Variants in MAPKAP1 observed in about 807,000 individuals in gnomAD.
MAPKAP1 encodes target of rapamycin complex 2 subunit MAPKAP1.
MAPKAP1 carries 20 observed loss-of-function variants against 65.7 expected under a neutral mutation model. The observed-to-expected ratio is 0.30, with a 90% CI of 0.21 to 0.44. The LOEUF is 0.44. Ranked by LOEUF, MAPKAP1 falls within the 20% of genes least tolerant of loss-of-function variation. The pLI is 1.00. For synonymous variants in MAPKAP1, 222 were observed against 244.3 expected (o/e 0.91, Z 0.85); for missense variants, 423 against 648.0 (o/e 0.65, Z 3.77).
At chr9:125,689,824 C>G (rs1407819879) in intron 1 of MAPKAP1, among the ~76,000 whole-genome samples, 1 of 151,616 alleles carries the variant, frequency 6.6e-6, no homozygotes, top group Non-Finnish European at 1.5e-5. Context: ...CGGTGGCTCA[C>G]GCCTGTAATC....
chr9:125,508,765 C>A (rs1004675436), intron 7 of MAPKAP1, among the ~76,000 whole-genome samples: 21 of 152,074 alleles, frequency 1.4e-4, no homozygotes, highest in African/African-American at 4.6e-4. Flanking sequence ...TGAGGTGGAT[C>A]TCCTGAGCCC....
rs986811901 is a variant in MAPKAP1 at position 125,447,201 on chromosome 9, C to T, written c.1346-2603G>A. 3.8e-5 allele frequency: 12 copies of T among 312,820 alleles called. No homozygotes were observed. Among genetic ancestry groups the T allele is most frequent in the African/African-American group, 2.6e-4 (12 of 46,044 alleles). The allele number at this position is 312,820 out of a possible 1,614,324, so 19.4% of individuals were successfully genotyped here. A position where few individuals can be genotyped will look rare whatever the true frequency, so the allele number is the denominator to read the frequency against. On this transcript the variant is annotated intron_variant, in intron 10 of 11. Coordinates refer to ENST00000265960, the MANE Select transcript of MAPKAP1 (RefSeq NM_001006617.3). This position sits in a 1 kb window ranked among gnomAD's most constrained non-coding sequence, Gnocchi z 4.5. ...GCTGTGTGTGTCTCCTGCCTATCCCCAGGGCTCATTCCAGCACCCATCTGA... is the reference window on the plus strand; with the variant it reads ...GCTGTGTGTGTCTCCTGCCTATCCCTAGGGCTCATTCCAGCACCCATCTGA...
intron 1 of MAPKAP1, among the ~76,000 whole-genome samples, chr9:125,679,532 T>G (rs1834759368): frequency 6.6e-6 from 1 of 152,136 alleles, no homozygotes; most frequent in Admixed American, 6.6e-5. Context: ...ACAAAGGAAC[T>G]TCAGTGATTA....
At chr9:125,665,283 G>T (rs1273169632) in intron 3 of MAPKAP1, among the ~76,000 whole-genome samples, 2 of 152,150 alleles carry the variant, frequency 1.3e-5, no homozygotes, top group Admixed American at 1.3e-4. Flanking sequence ...ACTCCATCCA[G>T]CCTGGGTGAC....
In MAPKAP1 at chr9:125,597,078, A is replaced by C. The variant is rs374028623; in HGVS notation, c.499-11351T>G. ...GAGATCGAGACCATCCTGGCTAACA[A>C]AGTGAAACCCTGTCTCTACTAAAAC... On this transcript the variant is annotated intron_variant, in intron 4 of 11. Transcript: ENST00000265960. Among the ~76,000 whole-genome samples the C allele has an allele frequency of 2.2e-4, 33 of 151,694 alleles. No homozygotes were observed. In the South Asian group the frequency reaches 2.5e-3, roughly 12 times the overall value.
chr9:125,555,786 T>C (rs576843084), intron 6 of MAPKAP1, among the ~76,000 whole-genome samples: 1 of 152,192 alleles, frequency 6.6e-6, no homozygotes, highest in South Asian at 2.1e-4. Context: ...GAGGACTCAT[T>C]TGAAAGTATG....
intron 10 of MAPKAP1, among the ~76,000 whole-genome samples, chr9:125,463,499 C>T (rs986210430): frequency 9.9e-5 from 15 of 152,228 alleles, no homozygotes; most frequent in Non-Finnish European, 1.5e-5. Context: ...AGTGGTAGGT[C>T]ACCAATAAGC....
At chr9:125,674,991 A>G (rs1337837126) in intron 1 of MAPKAP1, among the ~76,000 whole-genome samples, 1 of 152,238 alleles carries the variant, frequency 6.6e-6, no homozygotes, top group Non-Finnish European at 1.5e-5. Flanking sequence ...ATTAACAATG[A>G]GCATTTAAAT....
chr9:125,702,592 C>T (rs547124304), intron 1 of MAPKAP1, among the ~76,000 whole-genome samples: 7 of 151,964 alleles, frequency 4.6e-5, no homozygotes, highest in African/African-American at 1.7e-4. Flanking sequence ...TGGCTCACCC[C>T]TGTAATCCCA....
chr9:125,633,791 A>C (rs957534271), intron 4 of MAPKAP1, among the ~76,000 whole-genome samples: 1 of 152,266 alleles, frequency 6.6e-6, no homozygotes. Flanking sequence ...TCTCCCCTAC[A>C]AATAGAATCT....
intron 4 of MAPKAP1, among the ~76,000 whole-genome samples, chr9:125,623,772 C>A (rs1465472736): frequency 1.3e-4 from 8 of 59,434 alleles, no homozygotes; most frequent in South Asian, 2.5e-3. Context: ...GTCAGCCCCC[C>A]CGCCCGGCCA....
chr9:125,656,935 T>G (rs1199087645), intron 4 of MAPKAP1, among the ~76,000 whole-genome samples: 2 of 152,108 alleles, frequency 1.3e-5, no homozygotes, highest in Non-Finnish European at 2.9e-5. Context: ...CAAACACACT[T>G]TAATTTCATA....
intron 4 of MAPKAP1, among the ~76,000 whole-genome samples, chr9:125,638,012 T>C (rs1386818848): frequency 6.6e-6 from 1 of 152,186 alleles, no homozygotes; most frequent in African/African-American, 2.4e-5. Context: ...CCTCAGGTGA[T>C]CTACCAGTCT....
intron 1 of MAPKAP1, among the ~76,000 whole-genome samples, chr9:125,696,739 G>A (rs1195751327): frequency 6.6e-6 from 1 of 152,100 alleles, no homozygotes; most frequent in Non-Finnish European, 1.5e-5. Flanking sequence ...TACTTCCACA[G>A]TCTTCCTACA....
At chr9:125,693,718 CACGTAT>C (rs879427796) in intron 1 of MAPKAP1, among the ~76,000 whole-genome samples, 2 of 118,486 alleles carry the variant, frequency 1.7e-5, no homozygotes, top group African/African-American at 6.3e-5. Flanking sequence ...CACATATATA[CACGTAT>C]ATACACATAT....
intron 1 of MAPKAP1, among the ~76,000 whole-genome samples, chr9:125,673,006 G>C (rs757236795): frequency 7.2e-5 from 11 of 152,136 alleles, no homozygotes; most frequent in Non-Finnish European, 1.2e-4. Context: ...ATAAGGTCAT[G>C]GGGGAACAAG....
chr9:125,538,874 CGA>C (rs1367152808), intron 7 of MAPKAP1, among the ~76,000 whole-genome samples: 4 of 152,066 alleles, frequency 2.6e-5, no homozygotes, highest in Non-Finnish European at 5.9e-5. Flanking sequence ...CGTTATGGAT[CGA>C]TATTTACATT....
intron 4 of MAPKAP1, among the ~76,000 whole-genome samples, chr9:125,599,161 TA>T (rs924476202): frequency 6.7e-4 from 101 of 151,662 alleles, no homozygotes; most frequent in East Asian, 2.9e-3. Flanking sequence ...TCAATAGACT[TA>T]AAAAAAAATA....
intron 6 of MAPKAP1, among the ~76,000 whole-genome samples, chr9:125,546,725 A>G (rs997080509): frequency 3.3e-5 from 5 of 151,412 alleles, no homozygotes; most frequent in African/African-American, 1.2e-4. Flanking sequence ...GGTAGTGGGC[A>G]GGAAAGGAAG....
Sources: gnomAD v4.1 joint callset for allele counts (sites outside exome capture counted in the v4.1 genomes callset) on GRCh38, gnomAD v4.1.1 for gene constraint, Gnocchi (gnomAD v3.1) non-coding constraint, MANE v1.5 for transcripts, NCBI Gene and HGNC (gene_info 2026-07-23, HGNC 2026-07-21) for gene names.